PRKCQ: variants seen among roughly 807,000 people sequenced by gnomAD.
PRKCQ encodes the protein protein kinase C theta type.
Under a neutral mutation model 91.2 loss-of-function variants are expected in PRKCQ, and 41 were observed. The observed-to-expected ratio is 0.45, with a 90% CI of 0.35 to 0.58. PRKCQ has a LOEUF of 0.58. Among genes scored for constraint, PRKCQ ranks in the 20% least tolerant of loss-of-function variants. The probability of loss-of-function intolerance (pLI) is 0.00; values close to 1 mark genes in which losing one functional copy is unlikely to be tolerated. For missense variants in PRKCQ, 673 were observed against 896.5 expected, an observed-to-expected ratio of 0.75 and a Z score of 3.18; for synonymous variants, 307 against 316.9, an observed-to-expected ratio of 0.97 and a Z score of 0.33.
chr10:6,497,738 A>G lies in PRKCQ; in HGVS notation c.543-487T>C, dbSNP rs1426125626. ...AGAGAGAAAGGAGGTTCAAGTGATT[A>G]GACGAAAGCAGGCTGATGAAAACCC... On this transcript the variant is annotated intron_variant, in intron 5 of 17. Transcript: ENST00000263125. The surrounding 1 kb of genome is among the most constrained non-coding windows in gnomAD (Gnocchi z 4.5). 6.6e-6 allele frequency among the ~76,000 whole-genome samples: 1 copy of G among 152,220 alleles called. No individual in the cohort carries two copies. The highest frequency in any genetic ancestry group is 1.5e-5 in the Non-Finnish European group (1 of 68,032).
chr10:6,544,157 A>C (rs905774509), intron 1 of PRKCQ, among the ~76,000 whole-genome samples: 11 of 152,232 alleles, frequency 7.2e-5, no homozygotes, highest in Admixed American at 5.2e-4. Flanking sequence ...GGTTATGTAG[A>C]ATATTCATGG....
intron 12 of PRKCQ, among the ~76,000 whole-genome samples, chr10:6,476,449 C>T (rs1169464804): frequency 2.0e-5 from 3 of 152,124 alleles, no homozygotes; most frequent in African/African-American, 7.2e-5. Flanking sequence ...TATAATCCTA[C>T]CTCCCAATTA....
chr10:6,542,073 T>A (rs1839795527), intron 1 of PRKCQ, among the ~76,000 whole-genome samples: 1 of 152,230 alleles, frequency 6.6e-6, no homozygotes, highest in Non-Finnish European at 1.5e-5. Context: ...GATGCACACA[T>A]GGACCCCGGC....
intron 14 of PRKCQ, among the ~76,000 whole-genome samples, chr10:6,457,301 T>C (rs1004583635): frequency 2.0e-5 from 3 of 152,320 alleles, no homozygotes; most frequent in Admixed American, 6.5e-5. Context: ...CTTGGAGAAC[T>C]AGTATCCTCT....
chr10:6,428,625 G>GGTTTAAATA (rs1564285912), intron 17 of PRKCQ, among the ~76,000 whole-genome samples: 210 of 152,072 alleles, frequency 1.4e-3, no homozygotes, highest in African/African-American at 4.8e-3. Flanking sequence ...GGGATCTAAT[G>GGTTTAAATA]TTTCTAATGG....
rs867831982 is a variant in PRKCQ, at chr10:6,525,145, G to T, written c.-9-10001C>A. Reference sequence around the variant, plus strand: ...TGAAATGACTATGGATTTATTTTAAGTTCTTTTTTTTTTTTTTTGAGGGTA... The same window carrying T: ...TGAAATGACTATGGATTTATTTTAATTTCTTTTTTTTTTTTTTTGAGGGTA... On this transcript the variant is annotated intron_variant, in intron 1 of 17. Coordinates refer to ENST00000263125, the MANE Select transcript of PRKCQ (RefSeq NM_006257.5). Among the ~76,000 whole-genome samples the T allele has an allele frequency of 5.0e-3, 724 of 146,044 alleles. 3 individuals are homozygous for T. The highest frequency in any genetic ancestry group is 0.017 in the African/African-American group (678 of 39,834).
chr10:6,450,723 TGTCTCTCAGACCACA>T (rs1834620857), intron 15 of PRKCQ, among the ~76,000 whole-genome samples: 1 of 152,132 alleles, frequency 6.6e-6, no homozygotes, highest in African/African-American at 2.4e-5. Flanking sequence ...TATAACAAAC[TGTCTCTCAGACCACA>T]GTGCAATCAA....
the PRKCQ span, among the ~76,000 whole-genome samples, chr10:6,407,543 G>A: frequency 6.6e-6 from 1 of 151,904 alleles, no homozygotes; most frequent in Non-Finnish European, 1.5e-5. This position sits in a 1 kb window ranked among gnomAD's most constrained non-coding sequence, Gnocchi z 4.0. Context: ...GTGTTCATGT[G>A]TGTGTATGGC....
intron 12 of PRKCQ, among the ~76,000 whole-genome samples, chr10:6,468,046 AAAT>A (rs1361431111): frequency 6.6e-6 from 1 of 152,244 alleles, no homozygotes; most frequent in African/African-American, 2.4e-5. Flanking sequence ...GTCTTAAAAA[AAAT>A]GATGATTAAA....
At chr10:6,537,913 G>C (rs965021923) in intron 1 of PRKCQ, among the ~76,000 whole-genome samples, 3 of 152,184 alleles carry the variant, frequency 2.0e-5, no homozygotes, top group East Asian at 1.9e-4. Context: ...CTCCTCCGAG[G>C]CCTCTGCAGT....
intron 15 of PRKCQ, among the ~76,000 whole-genome samples, chr10:6,451,347 G>A (rs530695170): frequency 5.3e-5 from 8 of 152,144 alleles, no homozygotes; most frequent in African/African-American, 1.4e-4. Context: ...TAAATTCCTC[G>A]ACATATACAC....
At chr10:6,469,166 C>T (rs1186335632) in intron 12 of PRKCQ, among the ~76,000 whole-genome samples, 4 of 152,078 alleles carry the variant, frequency 2.6e-5, no homozygotes, top group Non-Finnish European at 5.9e-5. Context: ...CTGTGGGTCC[C>T]CAGGTTTAAG....
chr10:6,475,324 C>A (rs1453967257), intron 12 of PRKCQ, among the ~76,000 whole-genome samples: 1 of 152,160 alleles, frequency 6.6e-6, no homozygotes, highest in Non-Finnish European at 1.5e-5. Flanking sequence ...TGCCTCAGAG[C>A]CCTGTTGATA....
At chr10:6,540,801 ACTG>A (rs1385173761) in intron 1 of PRKCQ, among the ~76,000 whole-genome samples, 1 of 152,212 alleles carries the variant, frequency 6.6e-6, no homozygotes, top group Non-Finnish European at 1.5e-5. Context: ...TTGAGGAATC[ACTG>A]CACTGTTTTC....
At chr10:6,396,115 A>G in the PRKCQ span, among the ~76,000 whole-genome samples, 2 of 152,188 alleles carry the variant, frequency 1.3e-5, no homozygotes, top group African/African-American at 4.8e-5. Flanking sequence ...AGATGCTACT[A>G]TTATCATAGT....
intron 15 of PRKCQ, among the ~76,000 whole-genome samples, chr10:6,446,361 T>TTTG (rs1834301198): frequency 6.9e-6 from 1 of 144,074 alleles, no homozygotes; most frequent in Non-Finnish European, 1.5e-5. Context: ...TGCTCAGTTT[T>TTTG]TTTTTTTTTT....
chr10:6,490,795 T>G (rs1325593107), intron 8 of PRKCQ, among the ~76,000 whole-genome samples: 1 of 151,780 alleles, frequency 6.6e-6, no homozygotes, highest in East Asian at 1.9e-4. Flanking sequence ...AAGCTGTCTG[T>G]ATGCAACAGG....
the PRKCQ span, among the ~76,000 whole-genome samples, chr10:6,404,426 TTCTTTCTC>T: frequency 1.0e-5 from 1 of 96,040 alleles, no homozygotes; most frequent in South Asian, 3.7e-4. Flanking sequence ...TTTTTTCTCT[TTCTTTCTC>T]TCTTTCTTTC....
intron 7 of PRKCQ, among the ~76,000 whole-genome samples, chr10:6,495,305 C>T (rs6602746): frequency 6.6e-6 from 1 of 152,120 alleles, no homozygotes; most frequent in Non-Finnish European, 1.5e-5. Flanking sequence ...GCCTTGGTGC[C>T]TTCCCCAGTG....
Sources: allele counts gnomAD v4.1 joint callset (sites outside exome capture counted in the v4.1 genomes callset), GRCh38; gene constraint gnomAD v4.1.1; non-coding constraint Gnocchi (gnomAD v3.1); transcripts MANE v1.5; gene names NCBI Gene and HGNC (gene_info 2026-07-23, HGNC 2026-07-21).